Variants in KIAA1217 observed in about 807,000 individuals in gnomAD.
KIAA1217 encodes the protein KIAA1217.
KIAA1217 carries 88 observed loss-of-function variants against 163.9 expected under a neutral mutation model. The observed-to-expected ratio is 0.54, with a 90% CI of 0.45 to 0.64. KIAA1217 has a LOEUF of 0.64. Among genes scored for constraint, KIAA1217 ranks in the 30% least tolerant of loss-of-function variants. KIAA1217 has a pLI of 0.00. For missense variants in KIAA1217, 2,372 were observed against 2,475.0 expected, an observed-to-expected ratio of 0.96 and a Z score of 0.88; for synonymous variants, 903 against 923.1, an observed-to-expected ratio of 0.98 and a Z score of 0.39.
chr10:24,335,425 C>T (rs930924835), intron 2 of KIAA1217, among the ~76,000 whole-genome samples: 2 of 150,540 alleles, frequency 1.3e-5, no homozygotes, highest in Non-Finnish European at 3.0e-5. Flanking sequence ...CCCTAGTAGC[C>T]GAGATTACAG....
intron 2 of KIAA1217, among the ~76,000 whole-genome samples, chr10:24,140,314 C>T (rs957893697): frequency 4.0e-5 from 6 of 149,710 alleles, no homozygotes; most frequent in East Asian, 2.0e-4. Context: ...GAGCCGAAAT[C>T]GTGCCACTGT....
intron 3 of KIAA1217, among the ~76,000 whole-genome samples, chr10:24,390,709 ACCG>A (rs1184030586): frequency 6.6e-6 from 1 of 152,204 alleles, no homozygotes; most frequent in African/African-American, 2.4e-5. Flanking sequence ...TTTTTTAAAA[ACCG>A]AGTCAATCTT....
chr10:23,861,261 C>A (rs1031886275), intron 1 of KIAA1217, among the ~76,000 whole-genome samples: 1 of 152,050 alleles, frequency 6.6e-6, no homozygotes, highest in Non-Finnish European at 1.5e-5. Context: ...TGTTTAGTAA[C>A]ACAGGCAGGA....
In KIAA1217 at chr10:24,089,417, T is replaced by C. The variant is rs191133303; in HGVS notation, c.-171+82043T>C. 4.5e-4 allele frequency among the ~76,000 whole-genome samples: 56 copies of C among 125,792 alleles called. 7 individuals carry two copies. The East Asian group carries it at 7.6e-3, about 17-fold the overall frequency. 82.5% of individuals were successfully genotyped at this position (125,792 alleles called of 152,430 possible). On this transcript the variant is annotated intron_variant, in intron 2 of 18. Coordinates refer to the KIAA1217 transcript ENST00000376462. ...TTTCCTAGGTTTTCTTCTAAGGTTT[T>C]TATGGTTTTAGGTCTAACATTTAAG...
At chr10:23,765,424 C>T (rs1421147950) in intron 1 of KIAA1217, among the ~76,000 whole-genome samples, 2 of 151,942 alleles carry the variant, frequency 1.3e-5, no homozygotes, top group Non-Finnish European at 2.9e-5. Context: ...CCACCCGCCT[C>T]GGCCTCCCAA....
chr10:24,254,830 T>A (rs979668192), intron 2 of KIAA1217, among the ~76,000 whole-genome samples: 1 of 151,990 alleles, frequency 6.6e-6, no homozygotes, highest in Admixed American at 6.6e-5. Context: ...ACTATAAATG[T>A]CTCCGTCCAA....
chr10:24,353,421 T>C (rs1470866199), intron 2 of KIAA1217, among the ~76,000 whole-genome samples: 1 of 151,358 alleles, frequency 6.6e-6, no homozygotes, highest in African/African-American at 2.5e-5. Context: ...CGCGGTACCT[T>C]TTATTTTATT....
chr10:23,769,551 G>C (rs555217124), intron 1 of KIAA1217, among the ~76,000 whole-genome samples: 2 of 152,288 alleles, frequency 1.3e-5, no homozygotes, highest in South Asian at 2.1e-4. Context: ...TATCATCTTT[G>C]TTCTAAATTA....
chr10:23,799,480 T>C (rs1836370668), intron 1 of KIAA1217, among the ~76,000 whole-genome samples: 1 of 152,220 alleles, frequency 6.6e-6, no homozygotes, highest in African/African-American at 2.4e-5. Flanking sequence ...CCTATTTCTT[T>C]CCATTTTCCT....
At chr10:24,265,031 G>T (rs962260764) in intron 2 of KIAA1217, among the ~76,000 whole-genome samples, 3 of 151,938 alleles carry the variant, frequency 2.0e-5, no homozygotes, top group African/African-American at 7.3e-5. Context: ...CTAAATTTTT[G>T]TTGTTGTTGT....
intron 1 of KIAA1217, among the ~76,000 whole-genome samples, chr10:23,994,082 C>T (rs1350270920): frequency 6.6e-6 from 1 of 152,080 alleles, no homozygotes; most frequent in Non-Finnish European, 1.5e-5. Context: ...TCTGGGGATC[C>T]CTAGAGGGAA....
rs558620656 is a variant in KIAA1217 at position 23,787,686 on chromosome 10, T to C, written c.-321+92452T>C. Among the ~76,000 whole-genome samples, 43 of 152,282 alleles carry C rather than the reference T, an allele frequency of 2.8e-4. No homozygotes were observed. The South Asian group carries it at 7.1e-3, about 25-fold the overall frequency. ...CAAAAATCCGCCACAATGCTCAAATTTCTAATTCAATGTGTTACATGCATA... is the reference window on the plus strand; with the variant it reads ...CAAAAATCCGCCACAATGCTCAAATCTCTAATTCAATGTGTTACATGCATA... On this transcript the variant is annotated intron_variant, in intron 1 of 18. Transcript: ENST00000376462.
At chr10:24,210,597 C>T (rs1430013048) in intron 1 of KIAA1217, among the ~76,000 whole-genome samples, 2 of 152,092 alleles carry the variant, frequency 1.3e-5, no homozygotes, top group Non-Finnish European at 2.9e-5. Flanking sequence ...AATGACTTTC[C>T]AACAATCAGG....
chr10:24,458,660 A>C lies in KIAA1217; in HGVS notation c.847-14568A>C, dbSNP rs1050896951. 6.6e-5 allele frequency among the ~76,000 whole-genome samples: 10 copies of C among 152,342 alleles called. 2 individuals are homozygous for C. The highest frequency in any genetic ancestry group is 2.0e-4 in the Admixed American group (3 of 15,308). ...TGAGCCCCAGTTTGTTCATCTGTGA[A>C]ATGGGAATTATAATGTATCTAATGG... On this transcript the variant is annotated intron_variant, in intron 5 of 20. Coordinates refer to ENST00000376454, the MANE Select transcript of KIAA1217 (RefSeq NM_019590.5).
intron 2 of KIAA1217, among the ~76,000 whole-genome samples, chr10:24,334,481 AAGGAACTT>A (rs1342464080): frequency 1.7e-4 from 18 of 103,532 alleles, no homozygotes; most frequent in Admixed American, 9.8e-4. Context: ...GGAAGGAAGG[AAGGAACTT>A]ACTTGAATTG....
intron 1 of KIAA1217, among the ~76,000 whole-genome samples, chr10:23,927,210 A>G (rs1589091845): frequency 6.6e-6 from 1 of 152,128 alleles, no homozygotes; most frequent in Admixed American, 6.5e-5. Context: ...CTGGGATCCC[A>G]AAGTGCCTGG....
intron 5 of KIAA1217, among the ~76,000 whole-genome samples, chr10:24,448,818 A>C (rs1369542797): frequency 1.3e-5 from 2 of 152,238 alleles, no homozygotes; most frequent in African/African-American, 4.8e-5. Context: ...AATCAGCCAT[A>C]GTGAGTCAGA....
intron 5 of KIAA1217, among the ~76,000 whole-genome samples, chr10:24,452,545 G>T (rs2061458023): frequency 6.6e-6 from 1 of 151,442 alleles, no homozygotes; most frequent in Non-Finnish European, 1.5e-5. Context: ...AGCTGGGCGT[G>T]GTGGCGGGCG....
intron 2 of KIAA1217, among the ~76,000 whole-genome samples, chr10:24,253,836 GC>G (rs1321104400): frequency 6.6e-6 from 1 of 151,848 alleles, no homozygotes; most frequent in Non-Finnish European, 1.5e-5. Context: ...GATCACCTGA[GC>G]CCAGGAGGTT....
Sources: allele counts gnomAD v4.1 joint callset (sites outside exome capture counted in the v4.1 genomes callset), GRCh38; gene constraint gnomAD v4.1.1; transcripts MANE v1.5; gene names NCBI Gene and HGNC (gene_info 2026-07-23, HGNC 2026-07-21).